The following LRP1B variants were observed in gnomAD, a reference collection of about 807,000 sequenced individuals.
LRP1B encodes the protein LDL receptor related protein 1B.
LRP1B carries 217 observed loss-of-function variants against 556.6 expected under a neutral mutation model. The ratio of observed to expected loss-of-function variants is 0.39; its 90% confidence interval spans 0.35 to 0.44. The LOEUF (loss-of-function observed/expected upper bound fraction) is 0.44. LRP1B is among the 20% of genes least tolerant of loss of function. LRP1B has a pLI of 1.00. For synonymous variants in LRP1B, 2,047 were observed against 1,865.8 expected (o/e 1.10, Z -2.50); for missense variants, 5,053 against 5,620.8 (o/e 0.90, Z 3.23).
intron 17 of LRP1B, among the ~76,000 whole-genome samples, chr2:140,986,314 G>T (rs1696923921): frequency 6.6e-6 from 1 of 151,982 alleles, no homozygotes. Context: ...ACAAGACAAT[G>T]AAAATTTTTA....
chr2:141,053,826 ATATGTG>A (rs1465564467), intron 10 of LRP1B, among the ~76,000 whole-genome samples: 2 of 62,504 alleles, frequency 3.2e-5, no homozygotes, highest in African/African-American at 9.4e-5. Context: ...ATGTGTGTAT[ATATGTG>A]TGTGTGTGTG....
At chr2:140,776,900 A>G (rs1042740143) in intron 32 of LRP1B, among the ~76,000 whole-genome samples, 1 of 152,116 alleles carries the variant, frequency 6.6e-6, no homozygotes, top group Admixed American at 6.5e-5. Context: ...CTCTTATTGT[A>G]TTATTTCAAA....
intron 3 of LRP1B, among the ~76,000 whole-genome samples, chr2:141,466,148 A>G (rs1370556443): frequency 1.3e-5 from 2 of 152,120 alleles, no homozygotes; most frequent in Non-Finnish European, 2.9e-5. Context: ...CAGCCTCCCA[A>G]AGTGCTGGGA....
intron 2 of LRP1B, among the ~76,000 whole-genome samples, chr2:141,649,564 T>C (rs1412057086): frequency 1.3e-5 from 2 of 152,172 alleles, no homozygotes. Context: ...TTGATGTCTC[T>C]TTACCTGAAA....
chr2:142,018,917 G>C (rs1228619739), intron 1 of LRP1B, among the ~76,000 whole-genome samples: 2 of 151,842 alleles, frequency 1.3e-5, no homozygotes, highest in Non-Finnish European at 2.9e-5. Context: ...TAAAGATCTT[G>C]AATTTAATTA....
intron 1 of LRP1B, among the ~76,000 whole-genome samples, chr2:142,129,830 G>T (rs1215376045): frequency 6.6e-6 from 1 of 152,006 alleles, no homozygotes; most frequent in Non-Finnish European, 1.5e-5. Flanking sequence ...CTCGCACAGG[G>T]ATTCTTGATT....
chr2:140,323,808 TTAAGA>T (rs1180853825), intron 81 of LRP1B, 80 bp downstream of exon 81: 46 of 682,960 alleles, frequency 6.7e-5, no homozygotes, highest in Non-Finnish European at 9.1e-5. Flanking sequence ...ATTTACATAG[TTAAGA>T]TATTTAAAAA....
chr2:141,580,957 T>C (rs1344060499), intron 2 of LRP1B, among the ~76,000 whole-genome samples: 1 of 152,208 alleles, frequency 6.6e-6, no homozygotes, highest in African/African-American at 2.4e-5. Context: ...CTGTTTATAT[T>C]AGTTATTGGA....
At chr2:141,065,352 C>T (rs1197624118) in intron 7 of LRP1B, among the ~76,000 whole-genome samples, 1 of 151,928 alleles carries the variant, frequency 6.6e-6, no homozygotes, top group East Asian at 1.9e-4. Context: ...ATTCCTTTAA[C>T]AATGTGTGCA....
intron 7 of LRP1B, among the ~76,000 whole-genome samples, chr2:141,163,618 T>C (rs1282347972): frequency 6.6e-6 from 1 of 152,050 alleles, no homozygotes; most frequent in African/African-American, 2.4e-5. Context: ...ATGGGGGTGG[T>C]TCTCCCATAC....
intron 21 of LRP1B, among the ~76,000 whole-genome samples, chr2:140,908,497 G>A (rs1021795579): frequency 4.0e-5 from 6 of 151,256 alleles, no homozygotes; most frequent in African/African-American, 1.5e-4. Context: ...CCTAAATTTA[G>A]GTGAATGCTA....
chr2:140,761,973 TATGATGATG>T (rs66893232), intron 35 of LRP1B, among the ~76,000 whole-genome samples: 24 of 150,336 alleles, frequency 1.6e-4, no homozygotes, highest in Admixed American at 4.0e-4. Flanking sequence ...TGATGATAAC[TATGATGATG>T]ATGATGATGA....
chr2:142,070,898 C>T (rs1009879748), intron 1 of LRP1B, among the ~76,000 whole-genome samples: 1 of 151,868 alleles, frequency 6.6e-6, no homozygotes, highest in Non-Finnish European at 1.5e-5. Flanking sequence ...TCTAATCTTC[C>T]CCAAACTCTC....
chr2:141,554,097 A>AT (rs1218069459), intron 2 of LRP1B, among the ~76,000 whole-genome samples: 3 of 143,472 alleles, frequency 2.1e-5, no homozygotes, highest in Non-Finnish European at 1.5e-5. Context: ...TAGATTATAT[A>AT]TATCTATATT....
chr2:140,322,115 G>A (rs897526439), intron 81 of LRP1B, 27 bp from the exon 82 acceptor site: 1 of 1,603,728 alleles, frequency 6.2e-7, no homozygotes, highest in Non-Finnish European at 8.5e-7. Context: ...AAACAAAGAA[G>A]TGTGTAAATA....
intron 2 of LRP1B, among the ~76,000 whole-genome samples, chr2:141,623,877 C>T (rs1386368553): frequency 1.3e-5 from 2 of 150,940 alleles, no homozygotes; most frequent in Non-Finnish European, 3.0e-5. Context: ...TAGCCGGGCA[C>T]GGTGGCAGGT....
At chr2:141,682,535 G>T (rs1198231362) in intron 2 of LRP1B, among the ~76,000 whole-genome samples, 1 of 152,060 alleles carries the variant, frequency 6.6e-6, no homozygotes, top group Non-Finnish European at 1.5e-5. Context: ...ATATACCTCT[G>T]CTGAAAAAGT....
chr2:140,724,438 T>A (rs906012333), intron 35 of LRP1B, among the ~76,000 whole-genome samples: 5 of 152,230 alleles, frequency 3.3e-5, no homozygotes, highest in African/African-American at 1.2e-4. Flanking sequence ...GTTTAGCTTA[T>A]CTAATTTATT....
In LRP1B at chr2:140,513,047, C is replaced by T. The variant is rs527583951; in HGVS notation, c.8269+1606G>A. ...CTTTAATAAAAAAGCATTATTAGGA[C>T]ACTGACAATACTTCGACAAAGAAAG... On this transcript the variant is annotated intron_variant, in intron 51 of 90. Coordinates refer to ENST00000389484, the MANE Select transcript of LRP1B (RefSeq NM_018557.3). Among the ~76,000 whole-genome samples the T allele has an allele frequency of 3.9e-5, 6 of 152,108 alleles. No homozygotes were observed. The East Asian group carries it at 1.2e-3, about 29-fold the overall frequency.
Sources: gnomAD v4.1 joint callset for allele counts (sites outside exome capture counted in the v4.1 genomes callset) on GRCh38, gnomAD v4.1.1 for gene constraint, MANE v1.5 for transcripts, NCBI Gene and HGNC (gene_info 2026-07-23, HGNC 2026-07-21) for gene names.